The following TSPAN14 variants were observed in gnomAD, a reference collection of about 807,000 sequenced individuals.
TSPAN14 encodes tetraspanin 14.
A neutral mutation model predicts 36.6 loss-of-function variants in TSPAN14; 16 were observed. That is an observed-to-expected ratio of 0.44 (90% CI 0.30 to 0.66). The LOEUF (loss-of-function observed/expected upper bound fraction) is 0.66, where lower values mean the gene tolerates loss of function less well. Ranked by LOEUF, TSPAN14 falls within the 30% of genes least tolerant of loss-of-function variation. TSPAN14 has a pLI of 0.12. For missense variants in TSPAN14, 231 were observed against 355.1 expected (o/e 0.65, Z 2.81); for synonymous variants, 139 against 143.8 (o/e 0.97, Z 0.24).
At chr10:80,510,314 A>G (rs1466710038) in intron 5 of TSPAN14, among the ~76,000 whole-genome samples, 3 of 152,214 alleles carry the variant, frequency 2.0e-5, no homozygotes, top group Non-Finnish European at 4.4e-5. Context: ...GTTCACCTTT[A>G]TTTCATGTAT....
chr10:80,508,370 G>A (rs989810530), intron 4 of TSPAN14, among the ~76,000 whole-genome samples: 7 of 151,972 alleles, frequency 4.6e-5, no homozygotes, highest in East Asian at 3.9e-4. Context: ...CTCTCGCCTC[G>A]GCCTCCCAAA....
At chr10:80,504,984 G>A (rs1053386080) in intron 3 of TSPAN14, among the ~76,000 whole-genome samples, 10 of 152,242 alleles carry the variant, frequency 6.6e-5, no homozygotes, top group African/African-American at 2.4e-4. Flanking sequence ...GGCTGGGCTG[G>A]TTGGGTTTTG....
chr10:80,476,915 T>C lies in TSPAN14; in HGVS notation c.-17-12302T>C, dbSNP rs568572919. On this transcript the variant is annotated intron_variant, in intron 1 of 8. Transcript: ENST00000429989. ...AGGGTCTCACAAAGCCCAAATCAAA[T>C]TGTTGGCAGGGCTGTGCTTCTCTCT... Among the ~76,000 whole-genome samples the C allele has an allele frequency of 2.0e-5, 3 of 152,240 alleles. No individual in the cohort carries two copies. The East Asian group carries it at 5.8e-4, about 29-fold the overall frequency.
intron 2 of TSPAN14, 118 bp from the exon 3 acceptor site, chr10:80,504,610 T>C (rs1216393877): frequency 8.5e-7 from 1 of 1,175,494 alleles, no homozygotes; most frequent in East Asian, 2.4e-5. Context: ...TGAGGGGCCA[T>C]GTGGGATGTG....
At chr10:80,511,474 G>C (rs575014640) in intron 5 of TSPAN14, among the ~76,000 whole-genome samples, 4 of 152,230 alleles carry the variant, frequency 2.6e-5, no homozygotes, top group African/African-American at 9.6e-5. Context: ...AGGAGAGGAC[G>C]CCACTCTCCT....
At chr10:80,516,221 T>A (rs777777488) in exon 8 of TSPAN14, 2 of 1,614,084 alleles carry the variant, frequency 1.2e-6, no homozygotes, top group African/African-American at 2.7e-5. Flanking sequence ...GCAAGTGGGA[T>A]GAGTCCATCT....
chr10:80,466,952 G>A (rs1348550643), intron 1 of TSPAN14, among the ~76,000 whole-genome samples: 5 of 152,138 alleles, frequency 3.3e-5, no homozygotes, highest in Admixed American at 6.5e-5. Flanking sequence ...TTTGTAATTC[G>A]TTAAAGGAGT....
chr10:80,517,879 G>A (rs750502501), intron 8 of TSPAN14, 26 bp from the exon 9 acceptor site: 3 of 1,554,244 alleles, frequency 1.9e-6, no homozygotes, highest in African/African-American at 1.4e-5. Flanking sequence ...AGCAATGGCC[G>A]CTGACTCTGC....
chr10:80,497,619 G>A (rs1589280394), intron 2 of TSPAN14, among the ~76,000 whole-genome samples: 1 of 152,174 alleles, frequency 6.6e-6, no homozygotes, highest in Non-Finnish European at 1.5e-5. Flanking sequence ...AAGTTAGGTT[G>A]GGGGGTTCCC....
At chr10:80,487,448 C>T (rs924534907) in intron 1 of TSPAN14, among the ~76,000 whole-genome samples, 2 of 152,192 alleles carry the variant, frequency 1.3e-5, no homozygotes, top group Non-Finnish European at 2.9e-5. Context: ...CCAGCCAGGA[C>T]CCTCATGCCA....
chr10:80,516,472 A>C, intron 8 of TSPAN14, 149 bp downstream of exon 8: 1 of 1,212,490 alleles, frequency 8.2e-7, no homozygotes, highest in Admixed American at 2.1e-5. Context: ...TCCAAGGCTG[A>C]GAGAGTGTAT....
chr10:80,510,830 C>T (rs890686587), intron 5 of TSPAN14, among the ~76,000 whole-genome samples: 7 of 152,100 alleles, frequency 4.6e-5, no homozygotes, highest in Admixed American at 1.3e-4. Context: ...GCCGAGATCA[C>T]GCCACTGCAG....
At chr10:80,456,413 A>T (rs929869106) in intron 1 of TSPAN14, among the ~76,000 whole-genome samples, 21 of 152,292 alleles carry the variant, frequency 1.4e-4, no homozygotes, top group African/African-American at 4.8e-4. Flanking sequence ...GGTCCTTCTC[A>T]TGTAGGAAGT....
chr10:80,485,754 C>T (rs35998463), intron 1 of TSPAN14: 69 of 900,038 alleles, frequency 7.7e-5, no homozygotes, highest in Non-Finnish European at 8.6e-5. Flanking sequence ...GGTGGGAAAG[C>T]GGGGAGCGGA....
rs549692509 is a variant in TSPAN14, at chr10:80,458,835, T to A, written c.-18+4464T>A. On this transcript the variant is annotated intron_variant, in intron 1 of 8. Coordinates refer to ENST00000429989, the Ensembl canonical transcript of TSPAN14. ...CGCAGGCCCTGGCAGGGGGGCAGTG[T>A]CCAGTGCCGCTCTCAATTAAACGTG... Among the ~76,000 whole-genome samples the A allele has an allele frequency of 6.6e-5, 10 of 152,088 alleles. No homozygotes were observed. In the South Asian group the frequency reaches 2.1e-3, roughly 32 times the overall value.
intron 1 of TSPAN14, among the ~76,000 whole-genome samples, chr10:80,479,937 C>T: frequency 2.8e-5 from 4 of 144,604 alleles, no homozygotes; most frequent in Admixed American, 6.9e-5. Context: ...ATGGAATGTT[C>T]TTCCATTTGT....
In TSPAN14 at chr10:80,516,342, T is replaced by C; in HGVS notation, c.741+19T>C. 6.2e-7 allele frequency: 1 copy of C among 1,613,908 alleles called. No homozygotes were observed. Among genetic ancestry groups the C allele is most frequent in the Non-Finnish European group, 8.5e-7 (1 of 1,179,796 alleles). On this transcript the variant is annotated intron_variant, in intron 8 of 8. Coordinates refer to ENST00000429989, the Ensembl canonical transcript of TSPAN14. ...GTTGCAGGTGTGTCCCAGGAGCCTA[T>C]AGGATTGGCAGGTGGCCTTTTTTCA...
At chr10:80,484,659 A>AT (rs1799029286) in intron 1 of TSPAN14, among the ~76,000 whole-genome samples, 1 of 152,136 alleles carries the variant, frequency 6.6e-6, no homozygotes, top group Admixed American at 6.5e-5. Context: ...GGTTGCAGAT[A>AT]TTTACTGTGT....
In TSPAN14 at chr10:80,509,174, T is replaced by C; in HGVS notation, c.280-127T>C. On this transcript the variant is annotated intron_variant, in intron 4 of 8. Coordinates refer to ENST00000429989, the Ensembl canonical transcript of TSPAN14. The surrounding 1 kb of genome is among the most constrained non-coding windows in gnomAD (Gnocchi z 4.7). ...TAAGTGTGGGGTTCTGGGGCCCCGA[T>C]GTGGGACTCTCAGGTGCAGAGCCCA... 4 of 1,011,538 alleles carry C rather than the reference T, an allele frequency of 4.0e-6. No homozygotes were observed. The highest frequency in any genetic ancestry group is 2.9e-6 in the Non-Finnish European group (2 of 693,112). The allele number at this position is 1,011,538 out of a possible 1,614,324, so 62.7% of individuals were successfully genotyped here.
Sources: allele counts gnomAD v4.1 joint callset (sites outside exome capture counted in the v4.1 genomes callset), GRCh38; gene constraint gnomAD v4.1.1; non-coding constraint Gnocchi (gnomAD v3.1); transcripts MANE v1.5; gene names NCBI Gene and HGNC (gene_info 2026-07-23, HGNC 2026-07-21).